NLGN1: variants seen among roughly 807,000 people sequenced by gnomAD.
The protein encoded by NLGN1 is neuroligin-1.
NLGN1 carries 12 observed loss-of-function variants against 65.5 expected under a neutral mutation model. The ratio of observed to expected loss-of-function variants is 0.18; its 90% CI spans 0.12 to 0.30. NLGN1 has a LOEUF of 0.30. NLGN1 is among the 10% of genes least tolerant of loss of function. NLGN1 has a pLI of 1.00. For missense variants in NLGN1, 750 were observed against 1,007.1 expected (o/e 0.74, Z 3.46); for synonymous variants, 350 against 359.5 (o/e 0.97, Z 0.30).
At chr3:174,056,505 A>T (rs1271271488) in intron 4 of NLGN1, among the ~76,000 whole-genome samples, 1 of 152,006 alleles carries the variant, frequency 6.6e-6, no homozygotes, top group Non-Finnish European at 1.5e-5. Context: ...TAATTTCCTT[A>T]AAAAACGAGT....
At chr3:173,530,001 A>G (rs982685856) in intron 2 of NLGN1, among the ~76,000 whole-genome samples, 4 of 148,656 alleles carry the variant, frequency 2.7e-5, no homozygotes, top group Non-Finnish European at 4.4e-5. Flanking sequence ...TCTGTCACCC[A>G]GGCTGGAGTG....
At chr3:173,617,569 G>C (rs1303759285) in intron 3 of NLGN1, among the ~76,000 whole-genome samples, 4 of 152,268 alleles carry the variant, frequency 2.6e-5, no homozygotes, top group South Asian at 2.1e-4. Flanking sequence ...CCCAAATGAA[G>C]TAAATTTCAA....
intron 3 of NLGN1, among the ~76,000 whole-genome samples, chr3:173,729,068 CAT>C (rs559270537): frequency 7.2e-4 from 110 of 152,076 alleles, no homozygotes; most frequent in African/African-American, 2.5e-3. Flanking sequence ...AGATGATTGT[CAT>C]ATACTTTTAA....
At chr3:174,010,935 A>C (rs1419879799) in intron 4 of NLGN1, among the ~76,000 whole-genome samples, 2 of 152,130 alleles carry the variant, frequency 1.3e-5, no homozygotes, top group Non-Finnish European at 2.9e-5. Context: ...CCATTCAATT[A>C]CTGCTCAATT....
chr3:173,939,497 C>T (rs1291048263), intron 4 of NLGN1, among the ~76,000 whole-genome samples: 1 of 152,048 alleles, frequency 6.6e-6, no homozygotes, highest in African/African-American at 2.4e-5. Context: ...CCACAGGAAA[C>T]AATCAATAAA....
At chr3:174,045,340 C>T (rs1199721749) in intron 4 of NLGN1, among the ~76,000 whole-genome samples, 1 of 152,044 alleles carries the variant, frequency 6.6e-6, no homozygotes, top group Non-Finnish European at 1.5e-5. Flanking sequence ...CTTCACATGA[C>T]AGCAGGAAGG....
rs550429973 is a variant in NLGN1, at chr3:173,465,503, G to T, written c.-321+30425G>T. Among the ~76,000 whole-genome samples the T allele has an allele frequency of 4.4e-4, 67 of 152,176 alleles. 1 individual carries two copies. The East Asian group carries it at 0.012, about 27-fold the overall frequency. ...CATTTGTCAGAAAAATAATAAATTT[G>T]GTTTTAGCCAAATTTGATGTAAAGC... On this transcript the variant is annotated intron_variant, in intron 2 of 6. Transcript: ENST00000457714.
chr3:173,799,536 C>A (rs1714937549), intron 3 of NLGN1, among the ~76,000 whole-genome samples: 1 of 151,898 alleles, frequency 6.6e-6, no homozygotes, highest in Non-Finnish European at 1.5e-5. Context: ...CATTATATTA[C>A]TAAATTGATT....
At chr3:174,035,699 A>G (rs1474900225) in intron 4 of NLGN1, among the ~76,000 whole-genome samples, 1 of 152,160 alleles carries the variant, frequency 6.6e-6, no homozygotes. Flanking sequence ...GCAGAGCTAG[A>G]GGGAGCATGG....
chr3:173,631,639 A>G (rs1342491036), intron 3 of NLGN1, among the ~76,000 whole-genome samples: 2 of 152,192 alleles, frequency 1.3e-5, no homozygotes, highest in African/African-American at 4.8e-5. Context: ...ATAGATATTC[A>G]TAATTATCTA....
intron 4 of NLGN1, among the ~76,000 whole-genome samples, chr3:174,178,347 A>G (rs1349106278): frequency 1.3e-5 from 2 of 152,166 alleles, no homozygotes; most frequent in Non-Finnish European, 2.9e-5. Flanking sequence ...TGATTTATTT[A>G]GAAATACCTC....
intron 4 of NLGN1, among the ~76,000 whole-genome samples, chr3:174,266,511 A>G (rs142046847): frequency 3.3e-5 from 5 of 152,282 alleles, no homozygotes; most frequent in East Asian, 1.9e-4. Context: ...TAGTGCTGCA[A>G]TGAACATACA....
chr3:173,588,531 A>G (rs947507367), intron 2 of NLGN1, among the ~76,000 whole-genome samples: 3 of 152,216 alleles, frequency 2.0e-5, no homozygotes, highest in African/African-American at 7.2e-5. Context: ...AAGTGAAGTC[A>G]GGGAAAACTA....
chr3:174,183,628 A>G (rs1403844960), intron 4 of NLGN1, among the ~76,000 whole-genome samples: 1 of 152,154 alleles, frequency 6.6e-6, no homozygotes, highest in African/African-American at 2.4e-5. Flanking sequence ...GCTAAGAAAC[A>G]CTGCAATGAG....
chr3:173,412,290 C>T (rs550105400), intron 1 of NLGN1, among the ~76,000 whole-genome samples: 1 of 147,294 alleles, frequency 6.8e-6, no homozygotes, highest in African/African-American at 2.5e-5. Context: ...TGCCAGTGCT[C>T]AATGCATTCT....
At chr3:173,614,993 G>T (rs1752842995) in intron 3 of NLGN1, among the ~76,000 whole-genome samples, 2 of 151,958 alleles carry the variant, frequency 1.3e-5, no homozygotes, top group Admixed American at 6.6e-5. Flanking sequence ...AAATGATTTT[G>T]TATTCCAACT....
intron 2 of NLGN1, among the ~76,000 whole-genome samples, chr3:173,571,070 T>C (rs973093974): frequency 1.3e-5 from 2 of 152,166 alleles, no homozygotes; most frequent in Non-Finnish European, 2.9e-5. Context: ...GACTAAGTTA[T>C]CTGAGGTCTT....
chr3:174,256,704 TTC>T (rs2152851430), intron 4 of NLGN1, among the ~76,000 whole-genome samples: 1 of 152,282 alleles, frequency 6.6e-6, no homozygotes, highest in South Asian at 2.1e-4. Flanking sequence ...AAGCTTCAGT[TTC>T]TGTTTCCTGT....
At chr3:174,149,765 G>T (rs2152702524) in intron 4 of NLGN1, among the ~76,000 whole-genome samples, 1 of 152,116 alleles carries the variant, frequency 6.6e-6, no homozygotes, top group South Asian at 2.1e-4. Context: ...AGAGACTAAA[G>T]AAAAGAAAAT....
Sources: allele counts gnomAD v4.1 joint callset (sites outside exome capture counted in the v4.1 genomes callset), GRCh38; gene constraint gnomAD v4.1.1; transcripts MANE v1.5; gene names NCBI Gene and HGNC (gene_info 2026-07-23, HGNC 2026-07-21).